KSR2: variants seen among roughly 807,000 people sequenced by gnomAD.
KSR2 encodes kinase suppressor of ras 2.
In KSR2, 25 loss-of-function variants were observed where a neutral mutation model predicts 107.8. The ratio of observed to expected loss-of-function variants is 0.23; its 90% CI spans 0.17 to 0.32. KSR2 has a LOEUF of 0.32. KSR2 is among the 10% of genes least tolerant of loss of function. The pLI is 1.00. For synonymous variants in KSR2, 480 were observed against 507.0 expected (o/e 0.95, Z 0.71); for missense variants, 887 against 1,268.9 (o/e 0.70, Z 4.57).
intron 5 of KSR2, among the ~76,000 whole-genome samples, chr12:117,625,784 G>C (rs1169969029): frequency 1.3e-5 from 2 of 152,182 alleles, no homozygotes; most frequent in African/African-American, 4.8e-5. Flanking sequence ...AATGGTACCA[G>C]CTCATCTTTG....
chr12:117,577,115 A>C (rs529409280), intron 7 of KSR2, among the ~76,000 whole-genome samples: 4 of 152,176 alleles, frequency 2.6e-5, no homozygotes, highest in African/African-American at 9.6e-5. Context: ...CCGTTCTCTC[A>C]CTTCTATCTT....
intron 6 of KSR2, 45 bp downstream of exon 6, chr12:117,582,245 C>T: frequency 6.4e-7 from 1 of 1,560,556 alleles, no homozygotes; most frequent in Non-Finnish European, 8.8e-7. Context: ...CCACCCCTCA[C>T]AGAGCTGAGA....
At chr12:117,815,149 A>G (rs2094790213) in intron 3 of KSR2, among the ~76,000 whole-genome samples, 1 of 152,216 alleles carries the variant, frequency 6.6e-6, no homozygotes, top group African/African-American at 2.4e-5. Flanking sequence ...CAAAACACAC[A>G]AGCCCTTTGA....
chr12:117,472,382 G>A (rs939436006), intron 17 of KSR2, among the ~76,000 whole-genome samples: 2 of 152,194 alleles, frequency 1.3e-5, no homozygotes, highest in Admixed American at 6.5e-5. Flanking sequence ...GAATAGCAGT[G>A]AGGACCACAG....
Position 117,530,997 on chromosome 12 carries a change from C to T in KSR2, c.1746G>A (p.Pro582=), listed in dbSNP as rs746838223. The T allele has an allele frequency of 2.7e-5, 44 of 1,613,214 alleles. No individual in the cohort carries two copies. The highest frequency in any genetic ancestry group is 1.1e-4 in the South Asian group (10 of 90,960). The part of the protein sequence containing the change: ...QFIFPDVVPV[P]ETPTRAPQVI... ...CCTGGGGCGCCCGGGTCGGCGTCTC[C>T]GGCACCGGCACCACATCTGAAAACC... is the stretch of plus-strand genomic sequence containing the variant. The change falls in exon 12 of 20, where the codon CCG becomes CCA. Residue 582 remains proline, a synonymous_variant. Transcript: ENST00000339824.
intron 4 of KSR2, among the ~76,000 whole-genome samples, chr12:117,740,172 A>G (rs938273482): frequency 6.6e-6 from 1 of 151,008 alleles, no homozygotes; most frequent in African/African-American, 2.4e-5. Flanking sequence ...GAGTGAGAAC[A>G]TACAATGTTT....
intron 1 of KSR2, among the ~76,000 whole-genome samples, chr12:117,880,406 C>A (rs951383928): frequency 4.6e-5 from 7 of 152,046 alleles, no homozygotes; most frequent in African/African-American, 1.7e-4. Context: ...TGGGGAGTTT[C>A]TTCTAAATCT....
intron 3 of KSR2, among the ~76,000 whole-genome samples, chr12:117,789,393 C>G (rs374702731): frequency 6.6e-6 from 1 of 152,180 alleles, no homozygotes; most frequent in East Asian, 1.9e-4. Flanking sequence ...CGAATTCAGG[C>G]ACATACTTAC....
rs147648788 is a variant in KSR2, at chr12:117,489,752, A to T, written c.2220-4061T>A. 3.4e-3 allele frequency among the ~76,000 whole-genome samples: 513 copies of T among 152,276 alleles called. 1 individual carries two copies. The highest frequency in any genetic ancestry group is 0.011 in the African/African-American group (468 of 41,566). ...TCCAGGCCTGGCTGTGCCCACCTGG[A>T]TGTTTATCAGGAACAAAGCTGGAGA... is the stretch of plus-strand genomic sequence containing the variant. On this transcript the variant is annotated intron_variant, in intron 14 of 19. Transcript: ENST00000339824.
intron 3 of KSR2, among the ~76,000 whole-genome samples, chr12:117,810,174 T>C (rs182209894): frequency 1.3e-5 from 2 of 152,272 alleles, no homozygotes; most frequent in African/African-American, 2.4e-5. Context: ...GTTTGTTTTG[T>C]TTTTTTGTTT....
intron 1 of KSR2, among the ~76,000 whole-genome samples, chr12:117,885,653 T>C (rs995229721): frequency 7.2e-6 from 1 of 139,816 alleles, no homozygotes; most frequent in African/African-American, 2.7e-5. Flanking sequence ...AATATATACA[T>C]AGGTATTGAA....
chr12:117,872,769 G>A (rs1215918969), intron 1 of KSR2, among the ~76,000 whole-genome samples: 1 of 152,264 alleles, frequency 6.6e-6, no homozygotes, highest in East Asian at 1.9e-4. Context: ...CTGGGTCCTT[G>A]GACAATAAAC....
intron 3 of KSR2, among the ~76,000 whole-genome samples, chr12:117,827,426 C>A (rs750149987): frequency 1.3e-5 from 2 of 152,218 alleles, no homozygotes; most frequent in African/African-American, 4.8e-5. Context: ...GTCAAACAAC[C>A]TGGCTCCAAG....
At chr12:117,860,574 T>G (rs952805658) in intron 1 of KSR2, 143 bp from the exon 2 acceptor site, 1 of 802,944 alleles carries the variant, frequency 1.2e-6, no homozygotes, top group African/African-American at 1.7e-5. Flanking sequence ...AGATCCAGTT[T>G]GGCACCCATC....
intron 9 of KSR2, among the ~76,000 whole-genome samples, chr12:117,553,259 G>A (rs1877435605): frequency 6.6e-6 from 1 of 152,194 alleles, no homozygotes; most frequent in Admixed American, 6.5e-5. Context: ...TGGCGGGTGA[G>A]ATAGCTTAAG....
At chr12:117,588,698 A>C (rs1453949397) in intron 5 of KSR2, among the ~76,000 whole-genome samples, 3 of 152,244 alleles carry the variant, frequency 2.0e-5, no homozygotes, top group Non-Finnish European at 2.9e-5. Flanking sequence ...TCTGTGTGGT[A>C]GGGAAGAAAG....
At chr12:117,655,892 T>A (rs937258602) in intron 5 of KSR2, among the ~76,000 whole-genome samples, 1 of 152,188 alleles carries the variant, frequency 6.6e-6, no homozygotes, top group Non-Finnish European at 1.5e-5. Flanking sequence ...AGTATTACCA[T>A]GCACTGTGAT....
chr12:117,539,788 C>T lies in KSR2; in HGVS notation c.1618G>A (p.Ala540Thr). 6.2e-7 allele frequency: 1 copy of T among 1,607,242 alleles called. No individual in the cohort carries two copies. The highest frequency in any genetic ancestry group is 2.2e-5 in the East Asian group (1 of 44,466). ...SSPAPPLPPS[A>T]TPPSPLHPSP... The stretch of plus-strand genomic sequence containing the variant: ...GGGTGTAGGGGAGAAGGCGGCGTGG[C>T]ACTAGGAGGGAGGGGGGGTGCTGGC... Residue 540 changes from alanine (A) to threonine (T), a missense_variant, in exon 10 of 20, where the codon GCC becomes ACC. This residue lies in a region of KSR2 where 50 missense variants were observed against 43.4 expected (regional missense o/e 1.15). Coordinates refer to ENST00000339824, the MANE Select transcript of KSR2 (RefSeq NM_173598.6).
intron 1 of KSR2, among the ~76,000 whole-genome samples, chr12:117,860,689 A>G (rs961731704): frequency 1.3e-5 from 2 of 151,876 alleles, no homozygotes; most frequent in African/African-American, 4.8e-5. Context: ...GGGCCTTTTG[A>G]TCTCACAATT....
Sources: allele counts gnomAD v4.1 joint callset (sites outside exome capture counted in the v4.1 genomes callset), GRCh38; gene constraint gnomAD v4.1.1; regional missense constraint gnomAD v4.1.1; transcripts MANE v1.5; gene names NCBI Gene and HGNC (gene_info 2026-07-23, HGNC 2026-07-21).